Variants in HHIPL1 observed in about 807,000 individuals in gnomAD.
HHIPL1 encodes HHIP like 1, also known as HHIP-like protein 1.
In HHIPL1, 43 loss-of-function variants were observed where a neutral mutation model predicts 61.8. The ratio of observed to expected loss-of-function variants is 0.70; its 90% CI spans 0.55 to 0.90. The LOEUF (loss-of-function observed/expected upper bound fraction) is 0.90, where lower values mean the gene tolerates loss of function less well. Ranked by LOEUF, HHIPL1 falls within the 40% of genes least tolerant of loss-of-function variation. HHIPL1 has a pLI of 0.00. For synonymous variants in HHIPL1, 482 were observed against 515.8 expected (o/e 0.93, Z 0.89); for missense variants, 1,056 against 1,157.7 (o/e 0.91, Z 1.28).
intron 8 of HHIPL1, among the ~76,000 whole-genome samples, chr14:99,673,091 G>A (rs904102597): frequency 6.6e-6 from 1 of 152,116 alleles, no homozygotes; most frequent in Non-Finnish European, 1.5e-5. Context: ...AAACCACTCC[G>A]CGAGCCAAGG....
chr14:99,641,134 G>A (rs557261856), upstream of HHIPL1, among the ~76,000 whole-genome samples: 7 of 151,940 alleles, frequency 4.6e-5, no homozygotes, highest in South Asian at 8.3e-4. Flanking sequence ...TGATCCACCC[G>A]CCTCAGCCTC....
the HHIPL1 span, among the ~76,000 whole-genome samples, chr14:99,604,985 C>T: frequency 2.0e-5 from 3 of 152,290 alleles, no homozygotes; most frequent in South Asian, 6.2e-4. Context: ...CTGAGCTAAA[C>T]GCTGGCGTCC....
chr14:99,655,529 C>G (rs2056014000), intron 2 of HHIPL1, among the ~76,000 whole-genome samples: 1 of 152,000 alleles, frequency 6.6e-6, no homozygotes, highest in Non-Finnish European at 1.5e-5. Flanking sequence ...GAGGCTGGGG[C>G]AGGAAGATCC....
chr14:99,621,793 G>C, the HHIPL1 span, among the ~76,000 whole-genome samples: 1 of 125,256 alleles, frequency 8.0e-6, no homozygotes, highest in Non-Finnish European at 1.6e-5. Flanking sequence ...TTGGCTCACT[G>C]CAACCTCTAC....
chr14:99,637,095 G>GGAAA, the HHIPL1 span, among the ~76,000 whole-genome samples: 1 of 61,892 alleles, frequency 1.6e-5, no homozygotes, highest in Non-Finnish European at 3.8e-5. Context: ...AAAGAAAGAA[G>GGAAA]GAAGGAAAAA....
chr14:99,621,709 C>CTTTTTTTTTTTTTTTTTT, the HHIPL1 span, among the ~76,000 whole-genome samples: 36 of 84,530 alleles, frequency 4.3e-4, no homozygotes, highest in African/African-American at 7.4e-4. Context: ...CTTTTCTTTT[C>CTTTTTTTTTTTTTTTTTT]TTTTTTTTTT....
At chr14:99,650,723 A>G (rs1420739926) in intron 1 of HHIPL1, among the ~76,000 whole-genome samples, 2 of 152,236 alleles carry the variant, frequency 1.3e-5, no homozygotes, top group Non-Finnish European at 2.9e-5. Context: ...ATGCAGATTC[A>G]TGGGCACACT....
intron 1 of HHIPL1, among the ~76,000 whole-genome samples, chr14:99,647,621 C>T (rs996615464): frequency 6.6e-5 from 10 of 152,206 alleles, no homozygotes; most frequent in East Asian, 1.9e-4. Context: ...AGCTTAGAGA[C>T]GGCGGCTGAG....
the HHIPL1 span, among the ~76,000 whole-genome samples, chr14:99,629,083 C>T: frequency 1.3e-5 from 2 of 152,190 alleles, no homozygotes; most frequent in Non-Finnish European, 2.9e-5. Context: ...TCCCAGACAC[C>T]CGCGGATGTA....
upstream of HHIPL1, chr14:99,645,048 G>A (rs2055805120): frequency 5.5e-6 from 3 of 549,968 alleles, no homozygotes; most frequent in East Asian, 3.6e-5. Flanking sequence ...GTCCCGCCGA[G>A]TGTCCCCGAC....
chr14:99,607,429 A>G, the HHIPL1 span, among the ~76,000 whole-genome samples: 1 of 152,178 alleles, frequency 6.6e-6, no homozygotes, highest in Non-Finnish European at 1.5e-5. Flanking sequence ...TTTTCAAAAT[A>G]AAGGTGCCCC....
At position 99,668,140 on chromosome 14, in the gene HHIPL1, C is replaced by A. The variant is rs147961978; in HGVS notation, c.1649-82C>A. The stretch of plus-strand genomic sequence containing the variant: ...GGGTTGGGGTCTATTTCCAAGCCTG[C>A]AGGGAGCCGGGTGGTGAGGCGGGGC... On this transcript the variant is annotated intron_variant, in intron 6 of 8. Coordinates refer to ENST00000330710, the MANE Select transcript of HHIPL1 (RefSeq NM_001127258.3). The surrounding 1 kb of genome is among the most constrained non-coding windows in gnomAD (Gnocchi z 4.7). The A allele has an allele frequency of 9.5e-6, 8 of 841,412 alleles. No individual in the cohort carries two copies. The East Asian group carries it at 1.9e-4, about 20-fold the overall frequency. The allele number at this position is 841,412 out of a possible 1,614,324, so 52.1% of individuals were successfully genotyped here.
the HHIPL1 span, among the ~76,000 whole-genome samples, chr14:99,631,048 T>TTTTCTTTC: frequency 0.12 from 14,158 of 120,078 alleles, 994 homozygotes; most frequent in East Asian, 0.21. Flanking sequence ...AGTGGCTCCA[T>TTTTCTTTC]TTTCTTTCTT....
chr14:99,631,157 A>T, the HHIPL1 span, among the ~76,000 whole-genome samples: 1 of 140,158 alleles, frequency 7.1e-6, no homozygotes, highest in South Asian at 2.2e-4. Context: ...TTGCTGTGTC[A>T]CCCAGGCTGG....
chr14:99,661,131 C>A (rs939202178), intron 5 of HHIPL1, among the ~76,000 whole-genome samples: 4 of 15,516 alleles, frequency 2.6e-4, no homozygotes, highest in Admixed American at 1.1e-3. Context: ...GCTTATGGAG[C>A]CTCGTGACCA....
chr14:99,644,330 A>G (rs1448367059), upstream of HHIPL1, among the ~76,000 whole-genome samples: 1 of 152,074 alleles, frequency 6.6e-6, no homozygotes, highest in Non-Finnish European at 1.5e-5. Context: ...CTTGAGAAAA[A>G]TGCCTGGGTG....
At chr14:99,656,787 A>AAAAGAAAGAAAG (rs1555377257) in intron 2 of HHIPL1, among the ~76,000 whole-genome samples, 13 of 20,446 alleles carry the variant, frequency 6.4e-4, no homozygotes, top group African/African-American at 1.2e-3. Flanking sequence ...AAAAGAAAAG[A>AAAAGAAAGAAAG]AAAGAAAGAA....
the HHIPL1 span, among the ~76,000 whole-genome samples, chr14:99,622,476 G>A: frequency 6.6e-6 from 1 of 152,214 alleles, no homozygotes; most frequent in African/African-American, 2.4e-5. Context: ...TCACATGGCT[G>A]TGTGACACGG....
At chr14:99,620,561 G>T in the HHIPL1 span, among the ~76,000 whole-genome samples, 2 of 152,260 alleles carry the variant, frequency 1.3e-5, no homozygotes, top group African/African-American at 2.4e-5. Flanking sequence ...CCGCAGGGGG[G>T]CTAAGGGCAG....
Sources: gnomAD v4.1 joint callset for allele counts (sites outside exome capture counted in the v4.1 genomes callset) on GRCh38, gnomAD v4.1.1 for gene constraint, Gnocchi (gnomAD v3.1) non-coding constraint, MANE v1.5 for transcripts, NCBI Gene and HGNC (gene_info 2026-07-23, HGNC 2026-07-21) for gene names.